The following BMP15 variants were observed in gnomAD, a reference collection of about 807,000 sequenced individuals.
BMP15 encodes the protein growth/differentiation factor 9B.
BMP15 carries 5 observed loss-of-function variants against 4.4 expected under a neutral mutation model. That is an observed-to-expected ratio of 1.13 (90% CI 0.59 to 2.38). The LOEUF (loss-of-function observed/expected upper bound fraction) is 2.38, where lower values mean the gene tolerates loss of function less well. Among genes scored for constraint, BMP15 ranks in the 30% most tolerant of loss-of-function variants. BMP15 has a pLI of 0.01. For synonymous variants in BMP15, 125 were observed against 114.6 expected, an observed-to-expected ratio of 1.09 and a Z score of -0.58; for missense variants, 339 against 309.8, an observed-to-expected ratio of 1.09 and a Z score of -0.71.
chrX:50,916,507 A>G lies in BMP15; in HGVS notation c.1079A>G (p.Tyr360Cys), dbSNP rs782502983. The change falls in exon 2 of 2, where the codon TAT (tyrosine) becomes TGT (cysteine). Residue 360 changes from tyrosine to cysteine, a missense_variant. By Grantham distance (194) the Tyr-to-Cys change is radical. Transcript: ENST00000252677. ...GTCCCCCGGCCCTCCTGTGTCCCGT[A>G]TAAGTATGTTCCAATTAGTGTCCTT... ...QSVPRPSCVP[Y>C]KYVPISVLMI... The G allele has an allele frequency of 5.8e-6, 7 of 1,211,524 alleles. No homozygotes were observed. In the East Asian group the frequency reaches 1.8e-4, roughly 31 times the overall value.
chrX:50,914,117 CCT>C (rs1168071523), intron 1 of BMP15, among the ~76,000 whole-genome samples: 1 of 111,544 alleles, frequency 9.0e-6, no homozygotes, highest in Non-Finnish European at 1.9e-5. Flanking sequence ...ATTACAGGTG[CCT>C]GCCACCACGC....
rs1243842126 is a variant in BMP15 at position 50,915,840 on chromosome X, C to G, written c.412C>G (p.Arg138Gly). ...YQLVRATVVY[R>G]HHLQLTRFNL... ...ACTAGTTAGAGCCACTGTGGTTTAC[C>G]GCCATCATCTCCAACTAACTCGCTT... Residue 138 changes from arginine (R) to glycine (G), a missense_variant, in exon 2 of 2, where the codon CGC becomes GGC. Arg to Gly is a moderately radical substitution (Grantham distance 125). Transcript: ENST00000252677. The G allele has an allele frequency of 8.3e-7, 1 of 1,211,329 alleles. No individual in the cohort carries two copies. The highest frequency in any genetic ancestry group is 3.0e-5 in the East Asian group (1 of 33,802).
chrX:50,915,623 G>T, intron 1 of BMP15, 134 bp from the exon 2 acceptor site: 1 of 801,793 alleles, frequency 1.2e-6, no homozygotes, highest in Non-Finnish European at 1.9e-6. Flanking sequence ...CTCAGTAAAT[G>T]ATAGTATCAT....
intron 1 of BMP15, among the ~76,000 whole-genome samples, chrX:50,913,096 A>T (rs1427775401): frequency 9.0e-6 from 1 of 110,865 alleles, no homozygotes; most frequent in Non-Finnish European, 1.9e-5. Flanking sequence ...ATGGCAGGGT[A>T]TGAGGCTAAT....
intron 1 of BMP15, among the ~76,000 whole-genome samples, chrX:50,914,199 T>C (rs1409114204): frequency 8.1e-5 from 9 of 111,238 alleles, no homozygotes; most frequent in African/African-American, 2.6e-4. Context: ...CTCAAACTCC[T>C]GACCTCAGGT....
Position 50,915,883 on chromosome X carries a change from T to C in BMP15, c.455T>C (p.Val152Ala), listed in dbSNP as rs974301521. 46 of 1,209,616 alleles carry C rather than the reference T, an allele frequency of 3.8e-5. No homozygotes were observed. Among genetic ancestry groups the C allele is most frequent in the Non-Finnish European group, 5.0e-5 (45 of 895,162 alleles). ...QLTRFNLSCH[V>A]EPWVQKNPTN... The stretch of plus-strand genomic sequence containing the variant: ...ACTCGCTTCAATCTCTCCTGCCATG[T>C]GGAGCCCTGGGTGCAGAAAAACCCA... The change falls in exon 2 of 2, where the codon GTG becomes GCG. Residue 152 changes from valine (V) to alanine (A), a missense_variant. Physicochemically the swap from Val to Ala is moderately conservative, Grantham distance 64. Coordinates refer to ENST00000252677, the MANE Select transcript of BMP15 (RefSeq NM_005448.2).
At position 50,916,630 on chromosome X, in the gene BMP15, G is replaced by C; in HGVS notation, c.*23G>C. On this transcript the variant is annotated 3_prime_UTR_variant, in exon 2 of 2. Transcript: ENST00000252677. ...TGACAGCAACAGTACGGCTAGATCA[G>C]GTTTCCCAGGAAACTGGAGGAGAGT... The C allele has an allele frequency of 8.3e-7, 1 of 1,210,103 alleles. No homozygotes were observed. Among genetic ancestry groups the C allele is most frequent in the Non-Finnish European group, 1.1e-6 (1 of 894,986 alleles).
chrX:50,916,623 T>C lies in BMP15; in HGVS notation c.*16T>C. 1.7e-6 allele frequency: 2 copies of C among 1,210,693 alleles called. No individual in the cohort carries two copies. Among genetic ancestry groups the C allele is most frequent in the South Asian group, 3.5e-5 (2 of 56,809 alleles). ...ATGCAGATGACAGCAACAGTACGGCTAGATCAGGTTTCCCAGGAAACTGGA... is the reference window on the plus strand; with the variant it reads ...ATGCAGATGACAGCAACAGTACGGCCAGATCAGGTTTCCCAGGAAACTGGA... On this transcript the variant is annotated 3_prime_UTR_variant, in exon 2 of 2. Coordinates refer to ENST00000252677, the MANE Select transcript of BMP15 (RefSeq NM_005448.2).
rs1399862066 is a variant in BMP15 at position 50,910,977 on chromosome X, A to G, written c.194A>G (p.His65Arg). 1.7e-6 allele frequency: 2 copies of G among 1,190,142 alleles called. No individual in the cohort carries two copies. The highest frequency in any genetic ancestry group is 1.1e-6 in the Non-Finnish European group (1 of 884,681). The change falls in exon 1 of 2, where the codon CAT becomes CGT. Residue 65 changes from histidine (H) to arginine (R), a missense_variant. Transcript: ENST00000252677. The stretch of plus-strand genomic sequence containing the variant: ...CCAAGGAAGCCCCGGCTCCTAGGGC[A>G]TTCACTGCGGTACATGCTGGAGTTG... ...EQPRKPRLLG[H>R]SLRYMLELYR...
chrX:50,914,680 G>T (rs1557280216), intron 1 of BMP15, among the ~76,000 whole-genome samples: 1 of 112,063 alleles, frequency 8.9e-6, no homozygotes, highest in East Asian at 2.8e-4. Context: ...CAGTGGAGAA[G>T]AAGGACTAGG....
At position 50,916,295 on chromosome X, in the gene BMP15, C is replaced by T. The variant is rs781889505; in HGVS notation, c.867C>T (p.Asn289=). The change falls in exon 2 of 2, where the codon AAC becomes AAT. Residue 289 remains asparagine, a synonymous_variant. Transcript: ENST00000252677. ...SSSKHSGPEN[N]QCSLHPFQIS... ...CAAAACATAGCGGGCCTGAAAATAA[C>T]CAGTGTTCCCTCCACCCTTTCCAAA... is the stretch of plus-strand genomic sequence containing the variant. The T allele has an allele frequency of 8.3e-7, 1 of 1,203,483 alleles. No homozygotes were observed. The highest frequency in any genetic ancestry group is 1.1e-6 in the Non-Finnish European group (1 of 890,836).
At chrX:50,913,413 A>AGAAAGCCTGGCTTGGAT (rs1923054354) in intron 1 of BMP15, among the ~76,000 whole-genome samples, 1 of 111,084 alleles carries the variant, frequency 9.0e-6, no homozygotes, top group Non-Finnish European at 1.9e-5. Context: ...GTGAGGCATG[A>AGAAAGCCTGGCTTGGAT]TTGTGCCACT....
intron 1 of BMP15, among the ~76,000 whole-genome samples, chrX:50,911,799 A>G (rs1923021732): frequency 9.0e-6 from 1 of 111,396 alleles, no homozygotes; most frequent in Non-Finnish European, 1.9e-5. Context: ...TACCCCCAAT[A>G]GTTTTTCTAC....
At chrX:50,911,797 A>G (rs1408867518) in intron 1 of BMP15, among the ~76,000 whole-genome samples, 2 of 111,422 alleles carry the variant, frequency 1.8e-5, no homozygotes, top group Non-Finnish European at 3.8e-5. Context: ...TGTACCCCCA[A>G]TAGTTTTTCT....
Position 50,910,816 on chromosome X carries a change from T to C in BMP15, c.33T>C (p.Phe11=), listed in dbSNP as rs782634938. Residue 11 remains phenylalanine, a synonymous_variant, in exon 1 of 2, where the codon TTT becomes TTC. Transcript: ENST00000252677. MVLLSILRIL[F]LCELVLFMEH... Reference sequence around the variant, plus strand: ...TCCTCAGTATTCTTAGAATTCTTTTTCTTTGTGAACTCGTGCTTTTCATGG... The same window carrying C: ...TCCTCAGTATTCTTAGAATTCTTTTCCTTTGTGAACTCGTGCTTTTCATGG... The C allele has an allele frequency of 5.8e-6, 7 of 1,209,404 alleles. No homozygotes were observed. The South Asian group carries it at 1.2e-4, about 21-fold the overall frequency.
chrX:50,916,299 T>C lies in BMP15; in HGVS notation c.871T>C (p.Cys291Arg). 2.5e-6 allele frequency: 3 copies of C among 1,202,823 alleles called. No homozygotes were observed. Among genetic ancestry groups the C allele is most frequent in the South Asian group, 1.8e-5 (1 of 55,053 alleles). ...SKHSGPENNQCSLHPFQISFR... is the reference protein window; with the variant it reads ...SKHSGPENNQRSLHPFQISFR... ...ACATAGCGGGCCTGAAAATAACCAG[T>C]GTTCCCTCCACCCTTTCCAAATCAG... Residue 291 changes from cysteine to arginine, a missense_variant, in exon 2 of 2, where the codon TGT becomes CGT. By Grantham distance (180) the Cys-to-Arg change is radical. Coordinates refer to ENST00000252677, the MANE Select transcript of BMP15 (RefSeq NM_005448.2).
rs1601952258 is a variant in BMP15 at position 50,910,938 on chromosome X, C to A, written c.155C>A (p.Ser52Tyr). 8.4e-7 allele frequency: 1 copy of A among 1,195,451 alleles called. No homozygotes were observed. Among genetic ancestry groups the A allele is most frequent in the Non-Finnish European group, 1.1e-6 (1 of 886,821 alleles). The change falls in exon 1 of 2, where the codon TCC becomes TAC. Residue 52 changes from serine (S) to tyrosine (Y), a missense_variant. By Grantham distance (144) the Ser-to-Tyr change is moderately radical (BLOSUM62 -2). Coordinates refer to ENST00000252677, the MANE Select transcript of BMP15 (RefSeq NM_005448.2). The stretch of plus-strand genomic sequence containing the variant: ...CTGATTGAGGAGCTGCTAGAAGAAT[C>A]CCCTGGCGAACAGCCAAGGAAGCCC... ...LPLIEELLEE[S>Y]PGEQPRKPRL...
At chrX:50,914,307 T>C (rs1270007550) in intron 1 of BMP15, among the ~76,000 whole-genome samples, 1 of 110,544 alleles carries the variant, frequency 9.0e-6, no homozygotes, top group Non-Finnish European at 1.9e-5. Context: ...TGGGGCTGGG[T>C]GCAGTGGCTC....
Position 50,916,375 on chromosome X carries a change from C to A in BMP15, c.947C>A (p.Thr316Asn). The A allele has an allele frequency of 8.4e-7, 1 of 1,196,584 alleles. No homozygotes were observed. The highest frequency in any genetic ancestry group is 1.7e-5 in the African/African-American group (1 of 57,475). Residue 316 changes from threonine to asparagine, a missense_variant, in exon 2 of 2, where the codon ACC becomes AAC. Physicochemically the swap from Thr to Asn is moderately conservative, Grantham distance 65. Coordinates refer to ENST00000252677, the MANE Select transcript of BMP15 (RefSeq NM_005448.2). ...DHWIIAPPFY[T>N]PNYCKGTCLR... ...TGGATCATTGCTCCCCCTTTCTACA[C>A]CCCAAACTACTGTAAAGGAACTTGT... is the stretch of plus-strand genomic sequence containing the variant.
Sources: gnomAD v4.1 joint callset for allele counts (sites outside exome capture counted in the v4.1 genomes callset) on GRCh38, gnomAD v4.1.1 for gene constraint, MANE v1.5 for transcripts, NCBI Gene and HGNC (gene_info 2026-07-23, HGNC 2026-07-21) for gene names.